The following KCNIP4 variants were observed in gnomAD, a reference collection of about 807,000 sequenced individuals.
The protein encoded by KCNIP4 is potassium voltage-gated channel interacting protein 4, also known as Kv channel-interacting protein 4.
Under a neutral mutation model 34.0 loss-of-function variants are expected in KCNIP4, and 12 were observed. The observed-to-expected ratio is 0.35, with a 90% CI of 0.23 to 0.57. KCNIP4 has a LOEUF of 0.57. KCNIP4 is among the 20% of genes least tolerant of loss of function. The probability of loss-of-function intolerance (pLI) is 0.83; values close to 1 mark genes in which losing one functional copy is unlikely to be tolerated. For missense variants in KCNIP4, 238 were observed against 311.7 expected, an observed-to-expected ratio of 0.76 and a Z score of 1.78; for synonymous variants, 124 against 102.2, an observed-to-expected ratio of 1.21 and a Z score of -1.29.
intron 1 of KCNIP4, among the ~76,000 whole-genome samples, chr4:21,067,078 C>T (rs966578442): frequency 6.6e-6 from 1 of 152,120 alleles, no homozygotes; most frequent in African/African-American, 2.4e-5. Context: ...AGTAGGACAG[C>T]GCACCGGACA....
At chr4:21,294,706 A>T (rs1406109337) in intron 1 of KCNIP4, among the ~76,000 whole-genome samples, 1 of 152,196 alleles carries the variant, frequency 6.6e-6, no homozygotes, top group Non-Finnish European at 1.5e-5. Context: ...TGTGATTTCT[A>T]ACAAGTCAAT....
intron 1 of KCNIP4, among the ~76,000 whole-genome samples, chr4:21,347,066 C>T (rs1478445833): frequency 6.6e-6 from 1 of 152,098 alleles, no homozygotes; most frequent in Non-Finnish European, 1.5e-5. Flanking sequence ...GTTCTGCAAC[C>T]TTCTAGCTGT....
chr4:20,955,038 G>C (rs571011101), intron 1 of KCNIP4, among the ~76,000 whole-genome samples: 1 of 152,164 alleles, frequency 6.6e-6, no homozygotes, highest in African/African-American at 2.4e-5. Flanking sequence ...AGGGGAGAGA[G>C]GCAGGCCCAG....
At chr4:21,268,170 T>C (rs1761932630) in intron 1 of KCNIP4, among the ~76,000 whole-genome samples, 1 of 152,216 alleles carries the variant, frequency 6.6e-6, no homozygotes, top group African/African-American at 2.4e-5. Context: ...GCCTTTCATG[T>C]ATCAATCTTT....
chr4:21,078,623 C>T (rs905757236), intron 1 of KCNIP4, among the ~76,000 whole-genome samples: 12 of 151,914 alleles, frequency 7.9e-5, no homozygotes, highest in Admixed American at 3.3e-4. Flanking sequence ...TTGGGAAGCA[C>T]GACAATTCAC....
At chr4:21,234,160 GTATAT>G (rs1338987905) in intron 1 of KCNIP4, among the ~76,000 whole-genome samples, 1 of 39,614 alleles carries the variant, frequency 2.5e-5, no homozygotes, top group South Asian at 1.1e-3. Flanking sequence ...CATATATAAC[GTATAT>G]TATATATAAC....
chr4:20,858,242 A>AAAG (rs1721823865), intron 2 of KCNIP4, among the ~76,000 whole-genome samples: 1 of 140,860 alleles, frequency 7.1e-6, no homozygotes, highest in Non-Finnish European at 1.5e-5. Context: ...AAAAAAAAAA[A>AAAG]GAGGAAGACA....
At chr4:21,858,523 C>T (rs1340087776) in intron 1 of KCNIP4, among the ~76,000 whole-genome samples, 1 of 152,182 alleles carries the variant, frequency 6.6e-6, no homozygotes, top group Admixed American at 6.5e-5. Context: ...TTCCCTAACT[C>T]TCCATGGAGT....
chr4:21,590,924 G>A (rs1191436174), intron 1 of KCNIP4, among the ~76,000 whole-genome samples: 1 of 151,966 alleles, frequency 6.6e-6, no homozygotes, highest in African/African-American at 2.4e-5. Context: ...TTAATCTGCT[G>A]AATATTTCTC....
chr4:21,711,515 C>T (rs1181690036), intron 1 of KCNIP4, among the ~76,000 whole-genome samples: 1 of 151,780 alleles, frequency 6.6e-6, no homozygotes, highest in African/African-American at 2.4e-5. Context: ...GAAACAGCAA[C>T]AAAATGGAAG....
chr4:20,972,749 C>T (rs377365211), intron 1 of KCNIP4, among the ~76,000 whole-genome samples: 1 of 152,200 alleles, frequency 6.6e-6, no homozygotes, highest in Non-Finnish European at 1.5e-5. Context: ...GGGACCCGAG[C>T]AAGTTGCCTG....
intron 1 of KCNIP4, among the ~76,000 whole-genome samples, chr4:21,770,604 C>T (rs1360290035): frequency 6.6e-6 from 1 of 152,130 alleles, no homozygotes; most frequent in Non-Finnish European, 1.5e-5. Context: ...TCACCATAGA[C>T]TCGTCAGCAT....
intron 4 of KCNIP4, among the ~76,000 whole-genome samples, chr4:20,755,449 G>GTCAT (rs1754322736): frequency 1.3e-5 from 2 of 152,308 alleles, no homozygotes; most frequent in Non-Finnish European, 2.9e-5. Context: ...TGAGGTGGGT[G>GTCAT]TCATTCATTC....
chr4:20,732,120 C>T (rs1748433382), intron 7 of KCNIP4, 52 bp from the exon 8 acceptor site: 1 of 1,211,158 alleles, frequency 8.3e-7, no homozygotes, highest in Non-Finnish European at 1.2e-6. Context: ...TTAATACCCT[C>T]ACACCTGGAC....
chr4:21,388,217 G>A (rs573135679), intron 1 of KCNIP4, among the ~76,000 whole-genome samples: 48 of 150,664 alleles, frequency 3.2e-4, no homozygotes, highest in African/African-American at 1.2e-3. Flanking sequence ...TTATTTTATA[G>A]TCTAAAAGCA....
chr4:21,799,053 C>G (rs1003298169), intron 1 of KCNIP4, among the ~76,000 whole-genome samples: 25 of 152,066 alleles, frequency 1.6e-4, no homozygotes, highest in African/African-American at 6.0e-4. Context: ...AAAAAAACCT[C>G]TATAATTTCA....
At chr4:20,842,771 C>T (rs62295365) in intron 3 of KCNIP4, among the ~76,000 whole-genome samples, 4,287 of 151,914 alleles carry the variant, frequency 0.028, 80 homozygotes, top group Non-Finnish European at 0.044. Context: ...GTGACAGCAG[C>T]GTGTGAGAGG....
intron 1 of KCNIP4, among the ~76,000 whole-genome samples, chr4:21,318,446 G>A (rs1185843743): frequency 6.6e-6 from 1 of 152,090 alleles, no homozygotes; most frequent in Non-Finnish European, 1.5e-5. Flanking sequence ...ATTTGGAAAA[G>A]GTATCATAGA....
chr4:20,907,894 T>C (rs1186043923), intron 1 of KCNIP4, among the ~76,000 whole-genome samples: 1 of 152,072 alleles, frequency 6.6e-6, no homozygotes, highest in Admixed American at 6.6e-5. Context: ...CTTGAACAAC[T>C]GAACTATTAT....
Sources: gnomAD v4.1 joint callset for allele counts (sites outside exome capture counted in the v4.1 genomes callset) on GRCh38, gnomAD v4.1.1 for gene constraint, MANE v1.5 for transcripts, NCBI Gene and HGNC (gene_info 2026-07-23, HGNC 2026-07-21) for gene names.